CTNND2: variants seen among roughly 807,000 people sequenced by gnomAD.
CTNND2 encodes the protein catenin delta 2, also known as catenin delta-2.
Under a neutral mutation model 144.4 loss-of-function variants are expected in CTNND2, and 22 were observed. The ratio of observed to expected loss-of-function variants is 0.15; its 90% CI spans 0.11 to 0.22. CTNND2 has a LOEUF of 0.22. CTNND2 is among the 10% of genes least tolerant of loss of function. CTNND2 has a pLI of 1.00. For missense variants in CTNND2, 1,353 were observed against 1,618.8 expected (o/e 0.84, Z 2.82); for synonymous variants, 751 against 695.6 (o/e 1.08, Z -1.25).
intron 14 of CTNND2, among the ~76,000 whole-genome samples, chr5:11,110,478 C>T (rs1752851828): frequency 6.6e-6 from 1 of 152,128 alleles, no homozygotes; most frequent in Admixed American, 6.5e-5. Flanking sequence ...TCTCTGTTTC[C>T]CTTCTTATAC....
intron 10 of CTNND2, among the ~76,000 whole-genome samples, chr5:11,223,154 C>T (rs1375462324): frequency 3.3e-5 from 5 of 152,210 alleles, no homozygotes; most frequent in African/African-American, 1.2e-4. Context: ...ATCTTTGATG[C>T]CTACACCTTG....
At chr5:11,595,003 T>A (rs867307569) in intron 2 of CTNND2, among the ~76,000 whole-genome samples, 4 of 152,326 alleles carry the variant, frequency 2.6e-5, no homozygotes, top group Middle Eastern at 6.8e-3. Flanking sequence ...CGCTAAGGTA[T>A]AAAATTACAC....
intron 16 of CTNND2, among the ~76,000 whole-genome samples, chr5:11,034,464 A>C (rs1342594889): frequency 6.6e-6 from 1 of 152,204 alleles, no homozygotes; most frequent in Non-Finnish European, 1.5e-5. Context: ...TTTTTGAAAA[A>C]ACACTGTCCA....
chr5:11,405,691 C>G (rs796987091), intron 5 of CTNND2, among the ~76,000 whole-genome samples: 8 of 152,262 alleles, frequency 5.3e-5, no homozygotes, highest in African/African-American at 1.9e-4. Flanking sequence ...CTGTGGGCCA[C>G]CTATGTGTTT....
At chr5:11,270,770 A>C (rs986185447) in intron 9 of CTNND2, among the ~76,000 whole-genome samples, 1 of 152,202 alleles carries the variant, frequency 6.6e-6, no homozygotes, top group Non-Finnish European at 1.5e-5. Flanking sequence ...CTTTAGCCTT[A>C]TTATTGCAAG....
At chr5:11,468,622 G>A (rs1766886711) in intron 3 of CTNND2, among the ~76,000 whole-genome samples, 1 of 152,120 alleles carries the variant, frequency 6.6e-6, no homozygotes, top group Admixed American at 6.5e-5. Context: ...ACCCTCCTGC[G>A]AGGCTTTAAC....
At chr5:11,696,184 A>G (rs1353803970) in intron 2 of CTNND2, among the ~76,000 whole-genome samples, 3 of 152,226 alleles carry the variant, frequency 2.0e-5, no homozygotes, top group Admixed American at 2.0e-4. Flanking sequence ...TTAGTGCCAA[A>G]GCAGTGATAA....
At chr5:11,611,091 T>A (rs924265659) in intron 2 of CTNND2, among the ~76,000 whole-genome samples, 1 of 152,130 alleles carries the variant, frequency 6.6e-6, no homozygotes, top group East Asian at 1.9e-4. Context: ...TTACCCCTCA[T>A]GCTATTCTCA....
At chr5:11,868,181 C>A (rs1318432810) in intron 1 of CTNND2, among the ~76,000 whole-genome samples, 1 of 152,058 alleles carries the variant, frequency 6.6e-6, no homozygotes, top group Non-Finnish European at 1.5e-5. Flanking sequence ...GCCACCATCC[C>A]AGCTGTGGTG....
At chr5:11,000,492 G>C (rs757470676) in intron 18 of CTNND2, among the ~76,000 whole-genome samples, 7 of 152,226 alleles carry the variant, frequency 4.6e-5, no homozygotes, top group African/African-American at 7.2e-5. Context: ...CTGCACTCCA[G>C]CCTGGGTGAA....
chr5:11,853,571 C>A (rs1795115121), intron 1 of CTNND2, among the ~76,000 whole-genome samples: 1 of 152,220 alleles, frequency 6.6e-6, no homozygotes, highest in South Asian at 2.1e-4. Flanking sequence ...TACTGATCCA[C>A]TGCCACTTAG....
chr5:11,662,789 T>C (rs918407826), intron 2 of CTNND2, among the ~76,000 whole-genome samples: 10 of 151,996 alleles, frequency 6.6e-5, no homozygotes, highest in African/African-American at 2.4e-4. Flanking sequence ...GGCAGTTTCA[T>C]CCCCAAAACA....
chr5:11,416,721 C>A (rs577572780), intron 3 of CTNND2, among the ~76,000 whole-genome samples: 2 of 152,202 alleles, frequency 1.3e-5, no homozygotes, highest in East Asian at 3.9e-4. Context: ...TTACATAATT[C>A]AATTTAATAT....
chr5:11,782,419 A>T (rs896159882), intron 1 of CTNND2, among the ~76,000 whole-genome samples: 2 of 152,188 alleles, frequency 1.3e-5, no homozygotes, highest in Non-Finnish European at 2.9e-5. Flanking sequence ...AGGAGATTAA[A>T]CCTAAATTAT....
chr5:11,403,122 G>A (rs1366025119), intron 5 of CTNND2, among the ~76,000 whole-genome samples: 2 of 152,128 alleles, frequency 1.3e-5, no homozygotes, highest in Non-Finnish European at 2.9e-5. Context: ...TGCCGTGGTT[G>A]TTTGCTGCAC....
At chr5:11,334,147 T>C (rs569376917) in intron 9 of CTNND2, among the ~76,000 whole-genome samples, 2 of 152,184 alleles carry the variant, frequency 1.3e-5, no homozygotes, top group Admixed American at 6.5e-5. Context: ...ATAGGTAAGG[T>C]AAAGAAGATA....
intron 18 of CTNND2, among the ~76,000 whole-genome samples, chr5:10,993,649 T>A (rs1463076329): frequency 6.6e-6 from 1 of 152,154 alleles, no homozygotes; most frequent in Non-Finnish European, 1.5e-5. Flanking sequence ...CAATGCTTTG[T>A]TCTCTTGGGA....
At chr5:11,557,045 AT>A (rs1776288815) in intron 3 of CTNND2, among the ~76,000 whole-genome samples, 1 of 152,212 alleles carries the variant, frequency 6.6e-6, no homozygotes, top group Admixed American at 6.5e-5. Flanking sequence ...TGCCTGAAAA[AT>A]AAAATAGGGT....
chr5:11,274,853 C>T (rs1412574607), intron 9 of CTNND2, among the ~76,000 whole-genome samples: 2 of 151,962 alleles, frequency 1.3e-5, no homozygotes, highest in Non-Finnish European at 2.9e-5. Context: ...CTAGAACTAC[C>T]GATCTACAAG....
Sources: allele counts gnomAD v4.1 joint callset (sites outside exome capture counted in the v4.1 genomes callset), GRCh38; gene constraint gnomAD v4.1.1; transcripts MANE v1.5; gene names NCBI Gene and HGNC (gene_info 2026-07-23, HGNC 2026-07-21).